Variants in INPP4B observed in about 807,000 individuals in gnomAD.
The protein encoded by INPP4B is inositol polyphosphate-4-phosphatase type II B.
In INPP4B, 55 loss-of-function variants were observed where a neutral mutation model predicts 122.5. The observed-to-expected ratio is 0.45, with a 90% confidence interval of 0.36 to 0.56. The LOEUF (loss-of-function observed/expected upper bound fraction) is 0.56, where lower values mean the gene tolerates loss of function less well. INPP4B is among the 20% of genes least tolerant of loss of function. The pLI is 0.00. For missense variants in INPP4B, 1,000 were observed against 1,097.7 expected (o/e 0.91, Z 1.26); for synonymous variants, 403 against 388.7 (o/e 1.04, Z -0.43).
intron 1 of INPP4B, among the ~76,000 whole-genome samples, chr4:142,779,446 G>A (rs1032825844): frequency 6.6e-6 from 1 of 152,102 alleles, no homozygotes; most frequent in Non-Finnish European, 1.5e-5. Context: ...ACCAAAGGAA[G>A]TTATAATAAA....
intron 5 of INPP4B, among the ~76,000 whole-genome samples, chr4:142,428,234 GTA>G (rs1324741177): frequency 2.0e-5 from 3 of 150,630 alleles, no homozygotes; most frequent in Non-Finnish European, 4.4e-5. Context: ...CTAAAACCCA[GTA>G]TAGAGTATAT....
chr4:142,721,743 C>G (rs897174169), intron 2 of INPP4B, among the ~76,000 whole-genome samples: 2 of 152,072 alleles, frequency 1.3e-5, no homozygotes, highest in African/African-American at 4.8e-5. Context: ...ATTGCTTGAA[C>G]CCGGGAGGCA....
intron 1 of INPP4B, among the ~76,000 whole-genome samples, chr4:142,729,182 T>C (rs1765735976): frequency 6.6e-6 from 1 of 152,128 alleles, no homozygotes; most frequent in African/African-American, 2.4e-5. Context: ...TGTAACAAGA[T>C]GGGGAGCTCA....
chr4:142,035,932 A>T (rs336345), intron 25 of INPP4B, among the ~76,000 whole-genome samples: 15,652 of 151,272 alleles, frequency 0.1, 1,465 homozygotes, highest in African/African-American at 0.25. Flanking sequence ...TCTTTTTTTT[A>T]AAATCTTTCA....
intron 1 of INPP4B, among the ~76,000 whole-genome samples, chr4:142,821,699 A>G (rs976852908): frequency 3.9e-5 from 6 of 152,158 alleles, no homozygotes; most frequent in African/African-American, 1.4e-4. Context: ...AGTTTCTTAA[A>G]CATAAATTGA....
intron 13 of INPP4B, 47 bp downstream of exon 13, chr4:142,208,849 C>A (rs1351983057): frequency 2.2e-6 from 3 of 1,360,646 alleles, no homozygotes; most frequent in Non-Finnish European, 2.9e-6. Context: ...ATTTCACATG[C>A]AGGAAATGCA....
chr4:142,785,615 C>T (rs1459968348), intron 1 of INPP4B, among the ~76,000 whole-genome samples: 1 of 151,850 alleles, frequency 6.6e-6, no homozygotes, highest in Non-Finnish European at 1.5e-5. Flanking sequence ...ATAATAATAG[C>T]AACTTCCAAA....
rs1474836011 is a variant in INPP4B, at chr4:142,556,964, C to T, written c.-190-94238G>A. Among the ~76,000 whole-genome samples, 6 of 152,086 alleles carry T rather than the reference C, an allele frequency of 3.9e-5. No homozygotes were observed. The East Asian group carries it at 5.8e-4, about 15-fold the overall frequency. On this transcript the variant is annotated intron_variant, in intron 2 of 25. Coordinates refer to ENST00000262992, the MANE Select transcript of INPP4B (RefSeq NM_001101669.3). ...TTCTCTTTATTAGATACATCAAAAC[C>T]GATACAGCACAAAGCTGCTCCTCAA...
At chr4:142,170,668 GA>G (rs1825178577) in intron 16 of INPP4B, among the ~76,000 whole-genome samples, 1 of 151,696 alleles carries the variant, frequency 6.6e-6, no homozygotes, top group African/African-American at 2.4e-5. Flanking sequence ...GCACTTATAA[GA>G]GTATCTCAGA....
At chr4:142,635,239 A>T (rs1748860979) in intron 2 of INPP4B, among the ~76,000 whole-genome samples, 1 of 152,174 alleles carries the variant, frequency 6.6e-6, no homozygotes, top group Non-Finnish European at 1.5e-5. Context: ...GAGAAAAGGG[A>T]ACACTTATAC....
At position 142,689,817 on chromosome 4, in the gene INPP4B, C is replaced by T. The variant is rs149742295; in HGVS notation, c.-191+36022G>A. On this transcript the variant is annotated intron_variant, in intron 2 of 25. Transcript: ENST00000262992. ...CCGTACATAAATATGCATGTTTATG[C>T]GCAGCTAATTCTTTTTTAAAATGAG... 3.3e-4 allele frequency among the ~76,000 whole-genome samples: 50 copies of T among 152,154 alleles called. No homozygotes were observed. In the East Asian group the frequency reaches 7.5e-3, roughly 23 times the overall value.
chr4:142,069,155 A>T (rs1028895170), intron 25 of INPP4B, among the ~76,000 whole-genome samples: 3 of 152,188 alleles, frequency 2.0e-5, no homozygotes, highest in African/African-American at 7.2e-5. Context: ...GTGCAATCAA[A>T]CTAGAACTCA....
At chr4:142,653,431 C>G (rs982869829) in intron 2 of INPP4B, among the ~76,000 whole-genome samples, 2 of 152,134 alleles carry the variant, frequency 1.3e-5, no homozygotes, top group Admixed American at 1.3e-4. Context: ...TCAGAGTGAA[C>G]AGACAACCTA....
At chr4:142,736,822 C>A (rs188949433) in intron 1 of INPP4B, among the ~76,000 whole-genome samples, 5 of 152,156 alleles carry the variant, frequency 3.3e-5, no homozygotes, top group Non-Finnish European at 1.5e-5. Context: ...CTGGCCAGAA[C>A]TTCCAACACT....
chr4:142,023,504 C>T lies in INPP4B; in HGVS notation c.*5278G>A, dbSNP rs980154958. Reference sequence around the variant, plus strand: ...GAGTGCCCATACAGTTATATGCAAACTTTTGAAAGTTTCATAGTTGTTTAA... The same window carrying T: ...GAGTGCCCATACAGTTATATGCAAATTTTTGAAAGTTTCATAGTTGTTTAA... On this transcript the variant is annotated 3_prime_UTR_variant, in exon 26 of 26. Transcript: ENST00000262992. 26 of 152,038 alleles carry T rather than the reference C, an allele frequency of 1.7e-4. No homozygotes were observed. The highest frequency in any genetic ancestry group is 6.0e-4 in the African/African-American group (25 of 41,384). 9.4% of individuals were successfully genotyped at this position (152,038 alleles called of 1,614,324 possible).
intron 12 of INPP4B, among the ~76,000 whole-genome samples, chr4:142,217,534 T>C (rs1214245610): frequency 6.6e-6 from 1 of 152,246 alleles, no homozygotes. Flanking sequence ...TTCGGTCTTC[T>C]ACCCTTGCAT....
chr4:142,618,904 A>G (rs1744274772), intron 2 of INPP4B, among the ~76,000 whole-genome samples: 1 of 151,844 alleles, frequency 6.6e-6, no homozygotes, highest in Admixed American at 6.6e-5. Flanking sequence ...TAAATAAATA[A>G]CAGCCAAATA....
intron 18 of INPP4B, among the ~76,000 whole-genome samples, chr4:142,125,791 C>G (rs1174891369): frequency 6.6e-6 from 1 of 152,116 alleles, no homozygotes; most frequent in African/African-American, 2.4e-5. Context: ...AAAGATAACT[C>G]ACTGAGGGCA....
intron 7 of INPP4B, among the ~76,000 whole-genome samples, chr4:142,402,167 C>G (rs1801832032): frequency 6.6e-6 from 1 of 152,216 alleles, no homozygotes; most frequent in Admixed American, 6.5e-5. Context: ...TTTACTGCCT[C>G]ATGCTACAAT....
Sources: gnomAD v4.1 joint callset for allele counts (sites outside exome capture counted in the v4.1 genomes callset) on GRCh38, gnomAD v4.1.1 for gene constraint, MANE v1.5 for transcripts, NCBI Gene and HGNC (gene_info 2026-07-23, HGNC 2026-07-21) for gene names.